FRYL: variants seen among roughly 807,000 people sequenced by gnomAD.
FRYL encodes protein furry homolog-like.
A neutral mutation model predicts 351.2 loss-of-function variants in FRYL; 150 were observed. The ratio of observed to expected loss-of-function variants is 0.43; its 90% confidence interval spans 0.37 to 0.49. The LOEUF (loss-of-function observed/expected upper bound fraction) is 0.49. FRYL is among the 20% of genes least tolerant of loss of function. FRYL has a pLI of 0.00. For missense variants in FRYL, 3,036 were observed against 3,619.3 expected, an observed-to-expected ratio of 0.84 and a Z score of 4.13; for synonymous variants, 1,153 against 1,257.1, an observed-to-expected ratio of 0.92 and a Z score of 1.75.
At chr4:48,578,357 G>A (rs944012791) in intron 23 of FRYL, among the ~76,000 whole-genome samples, 1 of 152,130 alleles carries the variant, frequency 6.6e-6, no homozygotes, top group African/African-American at 2.4e-5. Flanking sequence ...GATCAGTGGT[G>A]TACTCTGTAA....
intron 1 of FRYL, among the ~76,000 whole-genome samples, chr4:48,713,153 A>G (rs1385618030): frequency 1.3e-5 from 2 of 152,174 alleles, no homozygotes; most frequent in African/African-American, 4.8e-5. Flanking sequence ...CATCGAGACT[A>G]GGAAGAAACT....
chr4:48,691,650 T>C (rs1578738026), intron 2 of FRYL, among the ~76,000 whole-genome samples: 1 of 152,314 alleles, frequency 6.6e-6, no homozygotes, highest in Admixed American at 6.5e-5. Flanking sequence ...GTAATATTTA[T>C]TAACTTATAC....
chr4:48,636,031 C>T (rs1446598901), intron 3 of FRYL, among the ~76,000 whole-genome samples: 1 of 152,088 alleles, frequency 6.6e-6, no homozygotes, highest in East Asian at 1.9e-4. Flanking sequence ...AAGAGTATCA[C>T]AAACGTAATA....
chr4:48,571,920 G>A, intron 26 of FRYL: 1 of 984,360 alleles, frequency 1.0e-6, no homozygotes, highest in Non-Finnish European at 1.2e-6. Context: ...AATAAATACT[G>A]CTATTTTGTT....
At chr4:48,779,198 C>T (rs1166949088) in intron 1 of FRYL, among the ~76,000 whole-genome samples, 1 of 152,206 alleles carries the variant, frequency 6.6e-6, no homozygotes, top group Admixed American at 6.5e-5. Flanking sequence ...GCCCAAAGAA[C>T]CTGCCGCCCG....
chr4:48,700,818 A>G (rs1766644078), intron 2 of FRYL, among the ~76,000 whole-genome samples: 1 of 151,854 alleles, frequency 6.6e-6, no homozygotes, highest in African/African-American at 2.4e-5. Context: ...ATTAAATTAA[A>G]AAAAAAAAAA....
chr4:48,704,525 C>A (rs12500244), intron 2 of FRYL, among the ~76,000 whole-genome samples: 149,771 of 152,268 alleles, frequency 0.98, 73,693 homozygotes, highest in East Asian at 1. Flanking sequence ...AACAACAACA[C>A]CACAAGGCTG....
intron 4 of FRYL, among the ~76,000 whole-genome samples, chr4:48,626,827 C>T (rs148265100): frequency 3.4e-4 from 52 of 152,148 alleles, no homozygotes; most frequent in Non-Finnish European, 6.5e-4. Flanking sequence ...TATGAAAACA[C>T]GATCACAAAT....
chr4:48,733,487 A>G (rs1272576872), intron 1 of FRYL, among the ~76,000 whole-genome samples: 2 of 152,122 alleles, frequency 1.3e-5, no homozygotes, highest in Non-Finnish European at 2.9e-5. Flanking sequence ...AAAATTATAT[A>G]GCTCAGAAAC....
At chr4:48,773,000 C>T (rs537271384) in intron 1 of FRYL, among the ~76,000 whole-genome samples, 1 of 152,196 alleles carries the variant, frequency 6.6e-6, no homozygotes, top group African/African-American at 2.4e-5. Flanking sequence ...AAGGAAGCAC[C>T]AGCATCAAAG....
intron 18 of FRYL, among the ~76,000 whole-genome samples, chr4:48,587,601 T>C (rs926751045): frequency 1.1e-4 from 17 of 152,070 alleles, no homozygotes; most frequent in Non-Finnish European, 2.4e-4. Context: ...TGGAGTGCAA[T>C]GGCGTGATCT....
intron 4 of FRYL, among the ~76,000 whole-genome samples, chr4:48,624,577 T>C (rs908315901): frequency 1.3e-5 from 2 of 152,210 alleles, no homozygotes; most frequent in Non-Finnish European, 2.9e-5. Flanking sequence ...AAATGGACTA[T>C]GATGCTATCT....
At chr4:48,626,110 A>T (rs564286811) in intron 4 of FRYL, among the ~76,000 whole-genome samples, 2 of 152,258 alleles carry the variant, frequency 1.3e-5, no homozygotes, top group South Asian at 4.1e-4. Context: ...TATAGCCACG[A>T]AAGTTATGGT....
rs187978212 is a variant in FRYL at position 48,575,258 on chromosome 4, G to A, written c.2722-17C>T. The A allele has an allele frequency of 1.6e-4, 264 of 1,611,406 alleles. 5 individuals carry two copies. In the South Asian group the frequency reaches 2.0e-3, roughly 12 times the overall value. On this transcript the variant is annotated splice_polypyrimidine_tract_variant and intron_variant, in intron 24 of 63. Coordinates refer to ENST00000358350, the MANE Select transcript of FRYL (RefSeq NM_015030.2). ...GCCAATAATCTGGAAAAAAAATATC[G>A]TATTTGTAACAGCCACTAATGATAC...
chr4:48,632,444 T>A (rs1404414407), intron 4 of FRYL, among the ~76,000 whole-genome samples: 1 of 150,682 alleles, frequency 6.6e-6, no homozygotes, highest in Middle Eastern at 3.2e-3. Flanking sequence ...AAAAGAAAAC[T>A]AACATTTTGT....
chr4:48,667,822 AT>A (rs1201625065), intron 3 of FRYL, among the ~76,000 whole-genome samples: 1 of 152,032 alleles, frequency 6.6e-6, no homozygotes, highest in Non-Finnish European at 1.5e-5. Context: ...TAATTTTTAT[AT>A]TTTTAGTAGA....
intron 35 of FRYL, among the ~76,000 whole-genome samples, chr4:48,554,112 A>G (rs1733539809): frequency 6.6e-6 from 1 of 152,210 alleles, no homozygotes; most frequent in Non-Finnish European, 1.5e-5. Flanking sequence ...AAATAACTTC[A>G]TAACTGATCA....
rs190305709 is a variant in FRYL at position 48,609,110 on chromosome 4, T to C, written c.492-43A>G. ...CAAACATAACATTTCATTAAATTTT[T>C]CTACAAACTCTCTTTCCTAATACAT... is the stretch of plus-strand genomic sequence containing the variant. On this transcript the variant is annotated intron_variant, in intron 8 of 63. Coordinates refer to ENST00000358350, the MANE Select transcript of FRYL (RefSeq NM_015030.2). The C allele has an allele frequency of 5.6e-6, 7 of 1,247,058 alleles. No homozygotes were observed. The East Asian group carries it at 1.6e-4, about 29-fold the overall frequency. 77.2% of individuals were successfully genotyped at this position (1,247,058 alleles called of 1,614,324 possible). A position where few individuals can be genotyped will look rare whatever the true frequency, so the allele number is the denominator to read the frequency against.
chr4:48,685,728 C>CAG (rs1765082660), intron 2 of FRYL, among the ~76,000 whole-genome samples: 3 of 151,040 alleles, frequency 2.0e-5, no homozygotes, highest in Admixed American at 2.0e-4. Flanking sequence ...ATAAAGATTC[C>CAG]ACGTTATCAG....
Sources: gnomAD v4.1 joint callset for allele counts (sites outside exome capture counted in the v4.1 genomes callset) on GRCh38, gnomAD v4.1.1 for gene constraint, MANE v1.5 for transcripts, NCBI Gene and HGNC (gene_info 2026-07-23, HGNC 2026-07-21) for gene names.